Variants in L3MBTL4 observed in about 807,000 individuals in gnomAD.
The protein encoded by L3MBTL4 is L3MBTL histone methyl-lysine binding protein 4, also known as lethal(3)malignant brain tumor-like protein 4.
In L3MBTL4, 70 loss-of-function variants were observed where a neutral mutation model predicts 84.5. The observed-to-expected ratio is 0.83, with a 90% confidence interval of 0.68 to 1.01. The LOEUF (loss-of-function observed/expected upper bound fraction) is 1.01, where lower values mean the gene tolerates loss of function less well. L3MBTL4 is among the 50% of genes least tolerant of loss of function. L3MBTL4 has a pLI of 0.00. For synonymous variants in L3MBTL4, 274 were observed against 259.8 expected (o/e 1.05, Z -0.52); for missense variants, 715 against 754.8 (o/e 0.95, Z 0.62).
chr18:6,290,750 A>G (rs910659364), intron 4 of L3MBTL4, among the ~76,000 whole-genome samples: 3 of 151,136 alleles, frequency 2.0e-5, no homozygotes, highest in Non-Finnish European at 3.0e-5. Flanking sequence ...CTTGTCTCGA[A>G]CTCCTGACCT....
chr18:6,062,113 T>A (rs1326589154), intron 16 of L3MBTL4, among the ~76,000 whole-genome samples: 1 of 152,070 alleles, frequency 6.6e-6, no homozygotes, highest in Non-Finnish European at 1.5e-5. Flanking sequence ...CTGACCCATA[T>A]AATTTTCCTT....
Position 5,977,369 on chromosome 18 carries a change from C to G in L3MBTL4, c.1445-7807G>C, listed in dbSNP as rs1225175167. 1.3e-5 allele frequency among the ~76,000 whole-genome samples: 2 copies of G among 152,194 alleles called. 1 individual carries two copies. Among genetic ancestry groups the G allele is most frequent in the South Asian group, 4.1e-4 (2 of 4,836 alleles). ...CACATCTCTGTCTCCTTCCTTGGTT[C>G]CATCCAGGAACTGAGTCAGCTCCCT... On this transcript the variant is annotated intron_variant, in intron 16 of 18. Transcript: ENST00000317931.
intron 16 of L3MBTL4, among the ~76,000 whole-genome samples, chr18:6,039,791 A>G (rs1210149126): frequency 6.6e-6 from 1 of 152,216 alleles, no homozygotes; most frequent in East Asian, 1.9e-4. Flanking sequence ...TGGCTAACCA[A>G]TGACTTTGTA....
chr18:6,359,752 C>A (rs968272215), intron 1 of L3MBTL4, among the ~76,000 whole-genome samples: 1 of 152,002 alleles, frequency 6.6e-6, no homozygotes, highest in Non-Finnish European at 1.5e-5. Flanking sequence ...CAGATCCTTA[C>A]GCAAAGGAGA....
At chr18:6,148,128 T>C (rs2042731847) in intron 13 of L3MBTL4, among the ~76,000 whole-genome samples, 1 of 152,208 alleles carries the variant, frequency 6.6e-6, no homozygotes, top group East Asian at 1.9e-4. Context: ...AAGTTACACA[T>C]ATAGTTTTAC....
At chr18:6,047,483 A>G (rs2056673336) in intron 16 of L3MBTL4, among the ~76,000 whole-genome samples, 1 of 152,232 alleles carries the variant, frequency 6.6e-6, no homozygotes, top group South Asian at 2.1e-4. Flanking sequence ...CCTGATAAAT[A>G]TAGACACAAA....
chr18:6,269,657 A>C (rs1233555601), intron 4 of L3MBTL4, among the ~76,000 whole-genome samples: 1 of 152,250 alleles, frequency 6.6e-6, no homozygotes, highest in Non-Finnish European at 1.5e-5. Flanking sequence ...CAACAATAGA[A>C]GTCAAATTAT....
chr18:6,036,672 T>C (rs550039323), intron 16 of L3MBTL4, among the ~76,000 whole-genome samples: 24 of 152,224 alleles, frequency 1.6e-4, no homozygotes, highest in Non-Finnish European at 3.1e-4. Context: ...CTGTTTCTTG[T>C]AAGTTTTGTG....
At chr18:5,960,358 G>C (rs897944186) in intron 17 of L3MBTL4, among the ~76,000 whole-genome samples, 1 of 152,124 alleles carries the variant, frequency 6.6e-6, no homozygotes, top group African/African-American at 2.4e-5. Flanking sequence ...TTATTACCGG[G>C]CTGACCTGCA....
At chr18:6,356,829 C>T (rs1255261141) in intron 1 of L3MBTL4, 3 of 152,090 alleles carry the variant, frequency 2.0e-5, no homozygotes, top group African/African-American at 7.2e-5. Flanking sequence ...TTATTAAAAA[C>T]AGTTTTTCTT....
intron 16 of L3MBTL4, among the ~76,000 whole-genome samples, chr18:6,060,396 T>G (rs945170527): frequency 6.6e-6 from 1 of 152,024 alleles, no homozygotes; most frequent in African/African-American, 2.4e-5. Context: ...ATCAGCTTTT[T>G]TTTTTTTCTT....
intron 16 of L3MBTL4, among the ~76,000 whole-genome samples, chr18:6,070,089 C>T (rs535036426): frequency 5.9e-5 from 9 of 152,024 alleles, no homozygotes; most frequent in African/African-American, 1.9e-4. Flanking sequence ...CTAATATATT[C>T]GCAGATGGAG....
At chr18:6,011,087 A>T (rs1435708502) in intron 16 of L3MBTL4, among the ~76,000 whole-genome samples, 1 of 152,148 alleles carries the variant, frequency 6.6e-6, no homozygotes, top group Non-Finnish European at 1.5e-5. Flanking sequence ...AATTATGCAG[A>T]CTCTGTTGTT....
At chr18:6,047,278 C>T (rs551811) in intron 16 of L3MBTL4, among the ~76,000 whole-genome samples, 1,602 of 152,098 alleles carry the variant, frequency 0.011, 27 homozygotes, top group African/African-American at 0.036. Flanking sequence ...CCAAAAAAAG[C>T]CCTGGAGCAG....
intron 17 of L3MBTL4, among the ~76,000 whole-genome samples, 195 bp from the exon 18 acceptor site, chr18:5,960,351 T>C (rs889341621): frequency 2.0e-5 from 3 of 152,208 alleles, no homozygotes; most frequent in African/African-American, 7.2e-5. Context: ...TGTCCTCTTA[T>C]TACCGGGCTG....
chr18:6,156,606 G>A (rs1568217140), intron 13 of L3MBTL4, among the ~76,000 whole-genome samples: 1 of 152,192 alleles, frequency 6.6e-6, no homozygotes, highest in Non-Finnish European at 1.5e-5. Context: ...GTCTCTGCGT[G>A]AACTCAGGAT....
chr18:6,301,921 T>C lies in L3MBTL4; in HGVS notation c.109A>G (p.Thr37Ala), dbSNP rs2050357159. ...TAATTACCGTGACTCAAAGGGGTTG[T>C]GCTATCCTTGGGCTTCTTTTCCTCT... is the stretch of plus-strand genomic sequence containing the variant. ...AEEEKKPKDS[T>A]TPLSHVPSAA... The change falls in exon 4 of 19, where the codon ACA becomes GCA. Residue 37 changes from threonine (T) to alanine (A), a missense_variant. Physicochemically the swap from Thr to Ala is moderately conservative, Grantham distance 58. Coordinates refer to ENST00000317931, the MANE Select transcript of L3MBTL4 (RefSeq NM_001330559.2). 6.2e-7 allele frequency: 1 copy of C among 1,613,386 alleles called. No individual in the cohort carries two copies. Among genetic ancestry groups the C allele is most frequent in the Admixed American group, 1.7e-5 (1 of 60,002 alleles).
Position 6,126,695 on chromosome 18 carries a change from T to C in L3MBTL4, c.1199+11499A>G, listed in dbSNP as rs769145199. On this transcript the variant is annotated intron_variant, in intron 14 of 18. Transcript: ENST00000317931. ...TCCCAGTTCAGTAAAATCAGACCTA[T>C]ACATTAACCTTGAAGAATTTTATAG... Among the ~76,000 whole-genome samples, 16 of 152,324 alleles carry C rather than the reference T, an allele frequency of 1.1e-4. 1 individual carries two copies. In the Middle Eastern group the frequency reaches 0.01, roughly 97 times the overall value.
chr18:6,024,379 G>T (rs1023080435), intron 16 of L3MBTL4, among the ~76,000 whole-genome samples: 1 of 152,140 alleles, frequency 6.6e-6, no homozygotes, highest in Admixed American at 6.5e-5. Context: ...AGTGACTAAG[G>T]AGCCCATCTT....
Sources: gnomAD v4.1 joint callset for allele counts (sites outside exome capture counted in the v4.1 genomes callset) on GRCh38, gnomAD v4.1.1 for gene constraint, MANE v1.5 for transcripts, NCBI Gene and HGNC (gene_info 2026-07-23, HGNC 2026-07-21) for gene names.